Variants in ZNF544 observed in about 807,000 individuals in gnomAD.
ZNF544 encodes zinc finger protein AF020591.
ZNF544 carries 10 observed loss-of-function variants against 13.5 expected under a neutral mutation model. The observed-to-expected ratio is 0.74, with a 90% confidence interval of 0.46 to 1.25. ZNF544 has a LOEUF of 1.25. Ranked by LOEUF, ZNF544 falls within the 50% of genes most tolerant of loss-of-function variation. The pLI, the probability that ZNF544 is intolerant of heterozygous loss-of-function variation, is 0.00. For missense variants in ZNF544, 896 were observed against 845.6 expected (o/e 1.06, Z -0.74); for synonymous variants, 323 against 300.5 (o/e 1.07, Z -0.77).
At position 58,261,947 on chromosome 19, in the gene ZNF544, G is replaced by A; in HGVS notation, c.1341G>A (p.Trp447Ter). 6.2e-7 allele frequency: 1 copy of A among 1,613,636 alleles called. No homozygotes were observed. The highest frequency in any genetic ancestry group is 8.5e-7 in the Non-Finnish European group (1 of 1,179,956). Residue 447 changes from tryptophan (W) to a stop codon, truncating the protein, a stop_gained, in exon 7 of 7, where the codon TGG (tryptophan) becomes TGA (stop). Coordinates refer to ENST00000687789, the MANE Select transcript of ZNF544 (RefSeq NM_014480.4). LOFTEE classifies it low-confidence loss of function (END_TRUNC). ...QCIECRKSFRWNSNLIVHQRI... is the reference protein window; with the variant it reads ...QCIECRKSFR Reference sequence around the variant, plus strand: ...TTGAATGCAGAAAATCCTTCAGGTGGAACTCTAACCTCATTGTACATCAGA... The same window carrying A: ...TTGAATGCAGAAAATCCTTCAGGTGAAACTCTAACCTCATTGTACATCAGA...
chr19:58,254,625 TTA>T (rs1462516122), intron 6 of ZNF544, among the ~76,000 whole-genome samples: 1 of 152,154 alleles, frequency 6.6e-6, no homozygotes, highest in Non-Finnish European at 1.5e-5. Context: ...CAGTGCTGCT[TTA>T]TATGTTTTCC....
intron 5 of ZNF544, among the ~76,000 whole-genome samples, chr19:58,270,872 G>T (rs1196042489): frequency 6.6e-6 from 1 of 152,184 alleles, no homozygotes; most frequent in Non-Finnish European, 1.5e-5. Context: ...ATTGGCAGCG[G>T]ATGTGAGTCA....
chr19:58,263,592 G>A lies in ZNF544; in HGVS notation c.*838G>A, dbSNP rs1174104540. 13 of 983,982 alleles carry A rather than the reference G, an allele frequency of 1.3e-5. No individual in the cohort carries two copies. In the East Asian group the frequency reaches 5.7e-4, roughly 43 times the overall value. 61.0% of individuals were successfully genotyped at this position (983,982 alleles called of 1,614,324 possible). A position where few individuals can be genotyped will look rare whatever the true frequency, so the allele number is the denominator to read the frequency against. On this transcript the variant is annotated 3_prime_UTR_variant, in exon 7 of 7. Coordinates refer to ENST00000687789, the MANE Select transcript of ZNF544 (RefSeq NM_014480.4). ...ATTGCCTGGAGTGTGCACTGAAACT[G>A]TGTATTACCAAGCTCACTCTAGCCA... is the stretch of plus-strand genomic sequence containing the variant.
intron 5 of ZNF544, among the ~76,000 whole-genome samples, chr19:58,274,534 C>T (rs500286): frequency 0.38 from 57,065 of 151,974 alleles, 11,624 homozygotes; most frequent in Middle Eastern, 0.49. Flanking sequence ...ACCAACTATG[C>T]CAACACTTTG....
At chr19:58,234,967 T>C (rs1175101329) in intron 3 of ZNF544, among the ~76,000 whole-genome samples, 2 of 152,254 alleles carry the variant, frequency 1.3e-5, no homozygotes, top group Non-Finnish European at 2.9e-5. Flanking sequence ...CATGTGTGTA[T>C]TGACACAGGA....
rs765552296 is a variant in ZNF544, at chr19:58,260,960, C to G, written c.354C>G (p.Pro118=). Reference sequence around the variant, plus strand: ...ACAGGAGTGGACCGGAGGAGCCACCCTCTTTGGTATTAGGAAAAGTGCAAG... The same window carrying G: ...ACAGGAGTGGACCGGAGGAGCCACCGTCTTTGGTATTAGGAAAAGTGCAAG... The part of the protein sequence containing the change: ...EVYRSGPEEP[P]SLVLGKVQDQ... The change falls in exon 7 of 7, where the codon CCC becomes CCG. Residue 118 remains proline, a synonymous_variant. Transcript: ENST00000687789. 6.2e-7 allele frequency: 1 copy of G among 1,614,172 alleles called. No homozygotes were observed. The highest frequency in any genetic ancestry group is 1.7e-5 in the Admixed American group (1 of 60,018).
chr19:58,241,921 T>TTCTCTCTCTCTC lies in ZNF544; in HGVS notation c.-59-2032_-59-2021dup, dbSNP rs143693031. On this transcript the variant is annotated intron_variant, in intron 3 of 6. Coordinates refer to ENST00000687789, the MANE Select transcript of ZNF544 (RefSeq NM_014480.4). ...TTTCAGCACTGAATTTGCTGTTCAC[T>TTCTCTCTCTCTC]TCTCTCTCTCTCTCTCTCTCTCTTT... Among the ~76,000 whole-genome samples the TTCTCTCTCTCTC allele has an allele frequency of 6.5e-4, 97 of 149,600 alleles. 1 individual carries two copies. Among genetic ancestry groups the TTCTCTCTCTCTC allele is most frequent in the East Asian group, 3.0e-3 (15 of 4,992 alleles).
In ZNF544 at chr19:58,260,980, T is replaced by G; in HGVS notation, c.374T>G (p.Val125Gly). 6.2e-7 allele frequency: 1 copy of G among 1,614,124 alleles called. No individual in the cohort carries two copies. Among genetic ancestry groups the G allele is most frequent in the East Asian group, 2.2e-5 (1 of 44,874 alleles). Reference sequence around the variant, plus strand: ...CCACCCTCTTTGGTATTAGGAAAAGTGCAAGATCAGAGCAACCAGTTAAGG... The same window carrying G: ...CCACCCTCTTTGGTATTAGGAAAAGGGCAAGATCAGAGCAACCAGTTAAGG... ...EEPPSLVLGK[V>G]QDQSNQLREH... Residue 125 changes from valine (V) to glycine (G), a missense_variant, in exon 7 of 7, where the codon GTG becomes GGG. Coordinates refer to ENST00000687789, the MANE Select transcript of ZNF544 (RefSeq NM_014480.4).
intron 3 of ZNF544, among the ~76,000 whole-genome samples, 192 bp from the exon 4 acceptor site, chr19:58,243,773 C>G (rs1176573880): frequency 1.3e-5 from 2 of 152,160 alleles, no homozygotes; most frequent in South Asian, 2.1e-4. Context: ...TGTCTGGACT[C>G]ACAGCTGAGA....
chr19:58,262,565 TCA>T lies in ZNF544; in HGVS notation c.1963_1964del (p.Thr655TrpfsTer2). 1 of 1,614,148 alleles carries T rather than the reference TCA, an allele frequency of 6.2e-7. No individual in the cohort carries two copies. Among genetic ancestry groups the T allele is most frequent in the Non-Finnish European group, 8.5e-7 (1 of 1,180,010 alleles). On this transcript the variant is annotated frameshift_variant, in exon 7 of 7. Coordinates refer to ENST00000687789, the MANE Select transcript of ZNF544 (RefSeq NM_014480.4). LOFTEE classifies it low-confidence loss of function (END_TRUNC). ...SSYLVMHQRT[H>X]TGEKPFECSQ... The stretch of plus-strand genomic sequence containing the variant: ...CCTACCTTGTGATGCATCAGAGAAC[TCA>T]CACTGGTGAGAAACCTTTTGAGTGT...
chr19:58,246,504 G>C (rs12972443), intron 5 of ZNF544, 77 bp downstream of exon 5: 541,405 of 1,583,448 alleles, frequency 0.34, 98,545 homozygotes, highest in Middle Eastern at 0.47. Flanking sequence ...GGTGTTCTGG[G>C]ATGTGCTGGA....
chr19:58,244,083 G>T, intron 4 of ZNF544, 27 bp downstream of exon 4: 3 of 1,593,588 alleles, frequency 1.9e-6, no homozygotes, highest in Non-Finnish European at 2.6e-6. Context: ...TGCTCTCAGT[G>T]CCTTGGTCTC....
rs755537434 is a variant in ZNF544 at position 58,261,373 on chromosome 19, C to G, written c.767C>G (p.Ser256Cys). The change falls in exon 7 of 7, where the codon TCC (serine) becomes TGC (cysteine). Residue 256 changes from serine (S) to cysteine (C), a missense_variant. Ser to Cys is a moderately radical substitution (Grantham distance 112). Coordinates refer to ENST00000687789, the MANE Select transcript of ZNF544 (RefSeq NM_014480.4). ...VSGDSLNYGSSLCFHGRTFSV... is the reference protein window; with the variant it reads ...VSGDSLNYGSCLCFHGRTFSV... ...GGTGACTCTCTCAACTATGGTTCCTCCCTTTGTTTTCATGGTAGAACTTTT... is the reference window on the plus strand; with the variant it reads ...GGTGACTCTCTCAACTATGGTTCCTGCCTTTGTTTTCATGGTAGAACTTTT... 3.2e-5 allele frequency: 52 copies of G among 1,614,090 alleles called. No individual in the cohort carries two copies. The South Asian group carries it at 5.7e-4, about 18-fold the overall frequency.
At chr19:58,233,716 C>T (rs375766624) in intron 3 of ZNF544, among the ~76,000 whole-genome samples, 1 of 152,176 alleles carries the variant, frequency 6.6e-6, no homozygotes, top group South Asian at 2.1e-4. Context: ...TGTTCCCTCT[C>T]TGTAACTTGA....
At position 58,261,766 on chromosome 19, in the gene ZNF544, A is replaced by C; in HGVS notation, c.1160A>C (p.Lys387Thr). Residue 387 changes from lysine (K) to threonine (T), a missense_variant, in exon 7 of 7, where the codon AAA becomes ACA. By Grantham distance (78) the Lys-to-Thr change is moderately conservative. Transcript: ENST00000687789. ...CCCTTCGAATGTACTCAGTGTGGGA[A>C]ATCTTTTAGCCAGAGCTATGACCTT... ...EKPFECTQCG[K>T]SFSQSYDLVI... 1 of 1,614,178 alleles carries C rather than the reference A, an allele frequency of 6.2e-7. No individual in the cohort carries two copies. The highest frequency in any genetic ancestry group is 8.5e-7 in the Non-Finnish European group (1 of 1,180,036).
At chr19:58,257,773 G>A (rs1469929375) in intron 6 of ZNF544, 14 of 152,230 alleles carry the variant, frequency 9.2e-5, no homozygotes, top group Admixed American at 9.2e-4. Context: ...GCCTTTTTCA[G>A]AATGTCATAG....
intron 5 of ZNF544, among the ~76,000 whole-genome samples, chr19:58,275,046 G>C (rs576455391): frequency 2.4e-4 from 36 of 152,216 alleles, no homozygotes; most frequent in African/African-American, 8.7e-4. Flanking sequence ...AGGGAGAAAG[G>C]GGGTGGTAAC....
chr19:58,261,775 G>A lies in ZNF544; in HGVS notation c.1169G>A (p.Ser390Asn). The A allele has an allele frequency of 1.2e-6, 2 of 1,613,980 alleles. No individual in the cohort carries two copies. The highest frequency in any genetic ancestry group is 1.7e-6 in the Non-Finnish European group (2 of 1,180,002). ...FECTQCGKSF[S>N]QSYDLVIHQR... Reference sequence around the variant, plus strand: ...TGTACTCAGTGTGGGAAATCTTTTAGCCAGAGCTATGACCTTGTCATACAT... The same window carrying A: ...TGTACTCAGTGTGGGAAATCTTTTAACCAGAGCTATGACCTTGTCATACAT... Residue 390 changes from serine (S) to asparagine (N), a missense_variant, in exon 7 of 7, where the codon AGC becomes AAC. Physicochemically the swap from Ser to Asn is conservative, Grantham distance 46. Transcript: ENST00000687789.
At chr19:58,275,067 C>T (rs1444750740) in intron 5 of ZNF544, among the ~76,000 whole-genome samples, 1 of 150,618 alleles carries the variant, frequency 6.6e-6, no homozygotes, top group Non-Finnish European at 1.5e-5. Flanking sequence ...TGGGGTGGGG[C>T]AGGGGGAGGG....
Sources: gnomAD v4.1 joint callset for allele counts (sites outside exome capture counted in the v4.1 genomes callset) on GRCh38, gnomAD v4.1.1 for gene constraint, MANE v1.5 for transcripts, NCBI Gene and HGNC (gene_info 2026-07-23, HGNC 2026-07-21) for gene names.